The following SLC35F3 variants were observed in gnomAD, a reference collection of about 807,000 sequenced individuals.
SLC35F3 encodes putative thiamine transporter SLC35F3.
In SLC35F3, 25 loss-of-function variants were observed where a neutral mutation model predicts 49.9. That is an observed-to-expected ratio of 0.50 (90% CI 0.37 to 0.70). SLC35F3 has a LOEUF of 0.70. Ranked by LOEUF, SLC35F3 falls within the 30% of genes least tolerant of loss-of-function variation. The pLI, the probability that SLC35F3 is intolerant of heterozygous loss-of-function variation, is 0.00. For missense variants in SLC35F3, 525 were observed against 639.8 expected, an observed-to-expected ratio of 0.82 and a Z score of 1.94; for synonymous variants, 275 against 265.4, an observed-to-expected ratio of 1.04 and a Z score of -0.35.
intron 2 of SLC35F3, among the ~76,000 whole-genome samples, chr1:233,936,667 T>G (rs565610765): frequency 3.3e-5 from 5 of 151,990 alleles, no homozygotes; most frequent in Admixed American, 3.3e-4. Context: ...TTTCTTCCCC[T>G]TCTTCTTTTT....
At chr1:234,227,999 C>T (rs1667314629) in intron 2 of SLC35F3, among the ~76,000 whole-genome samples, 1 of 152,172 alleles carries the variant, frequency 6.6e-6, no homozygotes, top group Non-Finnish European at 1.5e-5. Flanking sequence ...TTGTGTCACT[C>T]TACATTTATT....
At chr1:233,914,588 C>T (rs567729036) in intron 2 of SLC35F3, among the ~76,000 whole-genome samples, 3 of 152,286 alleles carry the variant, frequency 2.0e-5, no homozygotes, top group Admixed American at 2.0e-4. Flanking sequence ...TAAGGATCTA[C>T]ATACCAATGA....
chr1:233,912,442 A>G (rs941179036), intron 2 of SLC35F3, among the ~76,000 whole-genome samples: 5 of 152,230 alleles, frequency 3.3e-5, no homozygotes, highest in South Asian at 4.2e-4. Context: ...GTGCCACTGC[A>G]CTCCATCCTG....
intron 2 of SLC35F3, among the ~76,000 whole-genome samples, chr1:233,910,795 A>G (rs1050731167): frequency 2.0e-5 from 3 of 152,230 alleles, no homozygotes; most frequent in Admixed American, 6.5e-5. Flanking sequence ...AACGTCAACT[A>G]TTATTCACTA....
chr1:234,260,685 A>G (rs774483331), intron 3 of SLC35F3, among the ~76,000 whole-genome samples: 1 of 152,178 alleles, frequency 6.6e-6, no homozygotes, highest in East Asian at 1.9e-4. Flanking sequence ...TTTTTCATCT[A>G]TAGAAGGGGG....
rs568048449 is a variant in SLC35F3, at chr1:234,257,908, A to T, written c.608+26167A>T. Among the ~76,000 whole-genome samples the T allele has an allele frequency of 9.8e-5, 15 of 152,332 alleles. No homozygotes were observed. The South Asian group carries it at 3.1e-3, about 32-fold the overall frequency. On this transcript the variant is annotated intron_variant, in intron 3 of 7. Coordinates refer to ENST00000366618, the MANE Select transcript of SLC35F3 (RefSeq NM_173508.4). ...GATAGGTATATGCATTACCTATTTAAGTATAAATGTCCAGTGTAGGTTGGA... is the reference window on the plus strand; with the variant it reads ...GATAGGTATATGCATTACCTATTTATGTATAAATGTCCAGTGTAGGTTGGA...
At chr1:234,153,428 G>A (rs1012451143) in intron 2 of SLC35F3, among the ~76,000 whole-genome samples, 25 of 152,258 alleles carry the variant, frequency 1.6e-4, no homozygotes, top group African/African-American at 5.8e-4. Flanking sequence ...GGGCAACATA[G>A]CGAGACTCTC....
intron 2 of SLC35F3, among the ~76,000 whole-genome samples, chr1:234,197,513 C>A (rs10910379): frequency 6.6e-6 from 1 of 152,128 alleles, no homozygotes; most frequent in African/African-American, 2.4e-5. Context: ...GCTCATAAAA[C>A]ATTTATTGGA....
intron 2 of SLC35F3, among the ~76,000 whole-genome samples, chr1:233,918,957 G>A (rs1662017766): frequency 6.6e-6 from 1 of 151,980 alleles, no homozygotes; most frequent in Non-Finnish European, 1.5e-5. Context: ...ACTTTAAGTA[G>A]TTCAACAAAA....
chr1:234,223,409 G>A lies in SLC35F3; in HGVS notation c.284-8008G>A, dbSNP rs140550157. ...ATTCCAGCCCCAAAAGGCAACTTTT[G>A]TTCACCTCCTGATTCTTTATCCTAA... On this transcript the variant is annotated intron_variant, in intron 2 of 7. Coordinates refer to ENST00000366618, the MANE Select transcript of SLC35F3 (RefSeq NM_173508.4). Among the ~76,000 whole-genome samples, 771 of 152,156 alleles carry A rather than the reference G, an allele frequency of 5.1e-3. 4 individuals carry two copies. The highest frequency in any genetic ancestry group is 7.6e-3 in the Non-Finnish European group (520 of 67,992).
chr1:234,111,013 C>T (rs933068922), intron 2 of SLC35F3, among the ~76,000 whole-genome samples: 11 of 151,886 alleles, frequency 7.2e-5, no homozygotes, highest in African/African-American at 2.4e-4. Context: ...TTCATAGTGG[C>T]TATCTCTAGA....
intron 2 of SLC35F3, among the ~76,000 whole-genome samples, chr1:234,202,891 G>A (rs1451781077): frequency 6.6e-6 from 1 of 152,244 alleles, no homozygotes; most frequent in Non-Finnish European, 1.5e-5. Flanking sequence ...TAAAGAAGCA[G>A]CAGGAAGAAA....
intron 2 of SLC35F3, among the ~76,000 whole-genome samples, chr1:233,956,946 G>A (rs1470118069): frequency 6.6e-6 from 1 of 152,232 alleles, no homozygotes; most frequent in African/African-American, 2.4e-5. Context: ...GAGGCCAAAT[G>A]GCAAGCCGTG....
rs567358 is a variant in SLC35F3 at position 234,201,862 on chromosome 1, G to A, written c.284-29555G>A. The stretch of plus-strand genomic sequence containing the variant: ...CAGGAGGTGGAGCTTGTAGTGAGCC[G>A]AGACTGCGCCACTGCACTCCAGCCT... On this transcript the variant is annotated intron_variant, in intron 2 of 7. Coordinates refer to ENST00000366618, the MANE Select transcript of SLC35F3 (RefSeq NM_173508.4). Among the ~76,000 whole-genome samples the A allele has an allele frequency of 4.5e-3, 676 of 148,828 alleles. 5 individuals carry two copies. The highest frequency in any genetic ancestry group is 0.015 in the African/African-American group (597 of 40,400).
chr1:234,114,174 A>G (rs541092332), intron 2 of SLC35F3, among the ~76,000 whole-genome samples: 2 of 152,368 alleles, frequency 1.3e-5, no homozygotes, highest in East Asian at 3.9e-4. Context: ...ACACCACTGC[A>G]TGCCATTAAT....
Position 233,936,531 on chromosome 1 carries a change from C to G in SLC35F3, c.283+30773C>G, listed in dbSNP as rs72753719. ...ACCTTCTTGTTCTCCTCCTCCTCCTCCTTCTTCCTCCTCCTCCTCCTCTTT... is the reference window on the plus strand; with the variant it reads ...ACCTTCTTGTTCTCCTCCTCCTCCTGCTTCTTCCTCCTCCTCCTCCTCTTT... On this transcript the variant is annotated intron_variant, in intron 2 of 7. Coordinates refer to ENST00000366618, the MANE Select transcript of SLC35F3 (RefSeq NM_173508.4). Among the ~76,000 whole-genome samples the G allele has an allele frequency of 8.0e-3, 1,073 of 133,432 alleles. 11 individuals carry two copies. Among genetic ancestry groups the G allele is most frequent in the African/African-American group, 0.027 (1,021 of 38,172 alleles). The allele number at this position is 133,432 out of a possible 152,430, so 87.5% of individuals were successfully genotyped here.
At chr1:233,997,994 C>T (rs1663488410) in intron 2 of SLC35F3, among the ~76,000 whole-genome samples, 1 of 152,104 alleles carries the variant, frequency 6.6e-6, no homozygotes, top group East Asian at 1.9e-4. Flanking sequence ...TCAGGTGATC[C>T]ACCCACCTCG....
At chr1:233,918,944 T>C (rs746075055) in intron 2 of SLC35F3, among the ~76,000 whole-genome samples, 1 of 152,148 alleles carries the variant, frequency 6.6e-6, no homozygotes, top group Non-Finnish European at 1.5e-5. Context: ...TTGTCTGTAA[T>C]GTACTTTAAG....
At chr1:233,993,224 C>T (rs1178433765) in intron 2 of SLC35F3, among the ~76,000 whole-genome samples, 1 of 152,116 alleles carries the variant, frequency 6.6e-6, no homozygotes, top group Non-Finnish European at 1.5e-5. Flanking sequence ...AACTCAGCCT[C>T]CCAAAGTACT....
Sources: allele counts gnomAD v4.1 joint callset (sites outside exome capture counted in the v4.1 genomes callset), GRCh38; gene constraint gnomAD v4.1.1; transcripts MANE v1.5; gene names NCBI Gene and HGNC (gene_info 2026-07-23, HGNC 2026-07-21).